TBX15: variants seen among roughly 807,000 people sequenced by gnomAD.
TBX15 encodes T-box transcription factor 15.
A neutral mutation model predicts 53.9 loss-of-function variants in TBX15; 18 were observed. The observed-to-expected ratio is 0.33, with a 90% CI of 0.23 to 0.49. The LOEUF (loss-of-function observed/expected upper bound fraction) is 0.49. Among genes scored for constraint, TBX15 ranks in the 20% least tolerant of loss-of-function variants. The pLI is 0.98. For synonymous variants in TBX15, 295 were observed against 278.0 expected (o/e 1.06, Z -0.61); for missense variants, 692 against 749.5 (o/e 0.92, Z 0.90).
chr1:118,934,451 T>C (rs1425478692), intron 1 of TBX15, among the ~76,000 whole-genome samples: 1 of 152,190 alleles, frequency 6.6e-6, no homozygotes, highest in Non-Finnish European at 1.5e-5. Flanking sequence ...TATCAGCATA[T>C]GGCCTTAGAT....
chr1:118,887,099 G>A (rs775939143), intron 7 of TBX15, among the ~76,000 whole-genome samples: 7 of 152,210 alleles, frequency 4.6e-5, no homozygotes, highest in African/African-American at 7.2e-5. Context: ...AAAGACATGG[G>A]TGAGTGCTAG....
intron 5 of TBX15, among the ~76,000 whole-genome samples, chr1:118,915,587 A>G (rs1448267020): frequency 6.6e-6 from 1 of 152,244 alleles, no homozygotes; most frequent in East Asian, 1.9e-4. Context: ...TTGGCTTTCT[A>G]AAGTCGAGTG....
At chr1:118,938,413 C>A (rs373771346) in intron 1 of TBX15, among the ~76,000 whole-genome samples, 115 of 152,268 alleles carry the variant, frequency 7.6e-4, no homozygotes, top group African/African-American at 2.6e-3. Flanking sequence ...ATACATAGAA[C>A]CACAGCAAGG....
At position 118,927,845 on chromosome 1, in the gene TBX15, G is replaced by A. The variant is rs941074743; in HGVS notation, c.420-1234C>T. 4.2e-4 allele frequency among the ~76,000 whole-genome samples: 64 copies of A among 152,154 alleles called. 2 individuals carry two copies. The highest frequency in any genetic ancestry group is 3.9e-4 in the Admixed American group (6 of 15,280). ...AGCTCAAGCTCTTTTGTATCAAGCC[G>A]GACATAAAAAGTTCTCAGTTCAAAA... On this transcript the variant is annotated intron_variant, in intron 2 of 7. Transcript: ENST00000369429.
intron 1 of TBX15, among the ~76,000 whole-genome samples, chr1:118,969,353 T>C (rs1247535984): frequency 2.0e-5 from 3 of 152,214 alleles, no homozygotes; most frequent in Admixed American, 6.5e-5. Flanking sequence ...CTCTGGACCA[T>C]GAAAGACCTG....
At chr1:118,909,235 C>A (rs939164115) in intron 6 of TBX15, among the ~76,000 whole-genome samples, 1 of 152,194 alleles carries the variant, frequency 6.6e-6, no homozygotes, top group South Asian at 2.1e-4. Context: ...GAGCCTAATG[C>A]CATGGAGACC....
chr1:118,938,961 T>C (rs1323730492), intron 1 of TBX15, among the ~76,000 whole-genome samples: 1 of 152,178 alleles, frequency 6.6e-6, no homozygotes, highest in African/African-American at 2.4e-5. Context: ...AGCAAAGATA[T>C]GGCATCAACC....
intron 5 of TBX15, among the ~76,000 whole-genome samples, chr1:118,918,596 C>G (rs1407244166): frequency 6.6e-6 from 1 of 152,166 alleles, no homozygotes; most frequent in South Asian, 2.1e-4. Flanking sequence ...AGGGAAAATA[C>G]AGAGGTTGTA....
At chr1:118,939,885 C>T (rs12066653) in intron 1 of TBX15, among the ~76,000 whole-genome samples, 44,260 of 151,584 alleles carry the variant, frequency 0.29, 7,007 homozygotes, top group Non-Finnish European at 0.32. Context: ...TTATCTCATA[C>T]AATTTTCACA....
At chr1:118,907,323 CT>C (rs1430541808) in intron 6 of TBX15, among the ~76,000 whole-genome samples, 1 of 152,228 alleles carries the variant, frequency 6.6e-6, no homozygotes, top group African/African-American at 2.4e-5. Flanking sequence ...CTCCATAGCA[CT>C]TTTAAGACAA....
intron 1 of TBX15, among the ~76,000 whole-genome samples, chr1:118,966,807 T>A (rs1657047973): frequency 6.6e-6 from 1 of 152,234 alleles, no homozygotes; most frequent in African/African-American, 2.4e-5. Context: ...CAACATGATT[T>A]TCTGTCCTGG....
intron 5 of TBX15, among the ~76,000 whole-genome samples, chr1:118,917,257 T>C (rs145963026): frequency 1.4e-3 from 218 of 152,310 alleles, no homozygotes; most frequent in African/African-American, 4.8e-3. Context: ...AATGAGATCA[T>C]GTCCTTGGAA....
chr1:118,973,477 A>G (rs1657306219), intron 1 of TBX15, among the ~76,000 whole-genome samples: 1 of 152,118 alleles, frequency 6.6e-6, no homozygotes, highest in South Asian at 2.1e-4. Flanking sequence ...GAATTCAGAA[A>G]AGGCGCTGAA....
intron 1 of TBX15, among the ~76,000 whole-genome samples, chr1:118,935,883 G>A (rs757577039): frequency 6.6e-6 from 1 of 152,062 alleles, no homozygotes; most frequent in Non-Finnish European, 1.5e-5. Context: ...GTATTTTTAT[G>A]TCTATTTTGT....
At chr1:118,938,334 T>C (rs771516916) in intron 1 of TBX15, among the ~76,000 whole-genome samples, 3 of 152,120 alleles carry the variant, frequency 2.0e-5, no homozygotes, top group Non-Finnish European at 4.4e-5. Flanking sequence ...TTAAGGAGAC[T>C]AAGGGCACAT....
At chr1:118,896,389 A>T (rs1048432113) in intron 7 of TBX15, among the ~76,000 whole-genome samples, 1 of 152,248 alleles carries the variant, frequency 6.6e-6, no homozygotes, top group African/African-American at 2.4e-5. Context: ...TTTTATCAGC[A>T]GATGAGTCTT....
At chr1:118,922,363 A>G (rs1169107716) in intron 5 of TBX15, among the ~76,000 whole-genome samples, 1 of 152,162 alleles carries the variant, frequency 6.6e-6, no homozygotes, top group Non-Finnish European at 1.5e-5. Context: ...CTATTCTTTA[A>G]AATTGCTTCT....
At chr1:118,885,587 C>T in intron 7 of TBX15, 71 bp from the exon 8 acceptor site, 1 of 1,536,078 alleles carries the variant, frequency 6.5e-7, no homozygotes, top group Middle Eastern at 2.1e-4. Flanking sequence ...CACATGCAAG[C>T]CATACAGGAG....
At position 118,886,281 on chromosome 1, in the gene TBX15, C is replaced by A. The variant is rs540438014; in HGVS notation, c.1025-765G>T. Among the ~76,000 whole-genome samples, 7 of 152,214 alleles carry A rather than the reference C, an allele frequency of 4.6e-5. No homozygotes were observed. The South Asian group carries it at 1.5e-3, about 32-fold the overall frequency. ...ACTGGAATAAAGACTGTAAATGGAG[C>A]CTTTGGAGTTTTAATATTTATCAGA... On this transcript the variant is annotated intron_variant, in intron 7 of 7. Coordinates refer to ENST00000369429, the MANE Select transcript of TBX15 (RefSeq NM_001330677.2).
Sources: gnomAD v4.1 joint callset for allele counts (sites outside exome capture counted in the v4.1 genomes callset) on GRCh38, gnomAD v4.1.1 for gene constraint, MANE v1.5 for transcripts, NCBI Gene and HGNC (gene_info 2026-07-23, HGNC 2026-07-21) for gene names.